CPED1: variants seen among roughly 807,000 people sequenced by gnomAD.
The protein encoded by CPED1 is cadherin like and PC-esterase domain containing 1.
CPED1 carries 114 observed loss-of-function variants against 128.2 expected under a neutral mutation model. That is an observed-to-expected ratio of 0.89 (90% CI 0.76 to 1.04). CPED1 has a LOEUF of 1.04. Among genes scored for constraint, CPED1 ranks in the 50% least tolerant of loss-of-function variants. CPED1 has a pLI of 0.00. For synonymous variants in CPED1, 462 were observed against 426.7 expected (o/e 1.08, Z -1.02); for missense variants, 1,211 against 1,207.1 (o/e 1.00, Z -0.05).
intron 2 of CPED1, among the ~76,000 whole-genome samples, chr7:121,011,241 A>G (rs1792158578): frequency 6.6e-6 from 1 of 152,098 alleles, no homozygotes; most frequent in Non-Finnish European, 1.5e-5. Context: ...TTTCAGCCTT[A>G]CTATATTTTG....
chr7:121,034,744 T>C (rs752840192), intron 3 of CPED1, among the ~76,000 whole-genome samples: 46 of 152,138 alleles, frequency 3.0e-4, no homozygotes, highest in Non-Finnish European at 6.5e-4. Context: ...AGGGAGCTTA[T>C]TGGCAAATTC....
chr7:121,213,814 TAAC>T lies in CPED1; in HGVS notation c.2056-22898_2056-22896del, dbSNP rs926532088. Among the ~76,000 whole-genome samples the T allele has an allele frequency of 4.5e-4, 69 of 152,246 alleles. 1 individual carries two copies. Among genetic ancestry groups the T allele is most frequent in the Admixed American group, 4.1e-3 (62 of 15,288 alleles). On this transcript the variant is annotated intron_variant, in intron 16 of 22. Transcript: ENST00000310396. ...AATCTTCCCCAGTTTCTTCTAATGTTAACATCTTGCATGACCATGGTACATTTA... is the reference window on the plus strand; with the variant it reads ...AATCTTCCCCAGTTTCTTCTAATGTTATCTTGCATGACCATGGTACATTTA...
In CPED1 at chr7:121,052,757, T is replaced by C. The variant is rs894981391; in HGVS notation, c.540+5764T>C. Among the ~76,000 whole-genome samples the C allele has an allele frequency of 4.6e-5, 7 of 152,186 alleles. 1 individual carries two copies. The highest frequency in any genetic ancestry group is 2.0e-4 in the Admixed American group (3 of 15,278). On this transcript the variant is annotated intron_variant, in intron 4 of 22. Coordinates refer to ENST00000310396, the MANE Select transcript of CPED1 (RefSeq NM_024913.5). ...GTTTTTGGGAGACAGAGTCTCACTC[T>C]GTCTCTCAGGCCTGGAGTGCAGTGG...
chr7:121,093,844 C>G (rs1794634171), intron 5 of CPED1, among the ~76,000 whole-genome samples: 1 of 152,074 alleles, frequency 6.6e-6, no homozygotes, highest in African/African-American at 2.4e-5. Context: ...CTCCTCTACC[C>G]CTTGTTGATT....
At chr7:121,244,365 C>T in intron 18 of CPED1, 27 bp downstream of exon 18, 1 of 1,612,888 alleles carries the variant, frequency 6.2e-7, no homozygotes, top group Non-Finnish European at 8.5e-7. Context: ...GTGGGGGAAG[C>T]CTTTAATGTA....
At chr7:121,150,452 T>C (rs918760307) in intron 16 of CPED1, among the ~76,000 whole-genome samples, 1 of 152,092 alleles carries the variant, frequency 6.6e-6, no homozygotes, top group African/African-American at 2.4e-5. Context: ...TCCATTTCAC[T>C]GTGGATGTGC....
chr7:121,175,466 A>G (rs1400465459), intron 16 of CPED1, among the ~76,000 whole-genome samples: 2 of 152,116 alleles, frequency 1.3e-5, no homozygotes, highest in Non-Finnish European at 2.9e-5. Flanking sequence ...TCAAAATTAT[A>G]AAATTCCCAT....
chr7:121,210,001 T>C (rs2116590197), intron 16 of CPED1, among the ~76,000 whole-genome samples: 1 of 151,914 alleles, frequency 6.6e-6, no homozygotes, highest in Non-Finnish European at 1.5e-5. Context: ...GGGCAAAAGA[T>C]CTGAATAGAT....
chr7:121,048,186 C>A (rs1003750836), intron 4 of CPED1, among the ~76,000 whole-genome samples: 4 of 152,176 alleles, frequency 2.6e-5, no homozygotes, highest in African/African-American at 9.7e-5. Context: ...TACCTAGGTA[C>A]AGAGCACGTT....
At chr7:121,085,184 G>A (rs1390559009) in intron 5 of CPED1, among the ~76,000 whole-genome samples, 2 of 152,180 alleles carry the variant, frequency 1.3e-5, no homozygotes, top group Non-Finnish European at 2.9e-5. Flanking sequence ...ATGTGGCATC[G>A]GTCCTGCTGC....
chr7:120,997,931 ATAAAAT>A (rs1259063272), intron 2 of CPED1, among the ~76,000 whole-genome samples: 9 of 13,544 alleles, frequency 6.6e-4, no homozygotes, highest in Admixed American at 1.5e-3. Context: ...TCGAAAAAAA[ATAAAAT>A]AAAATAAAAT....
intron 2 of CPED1, among the ~76,000 whole-genome samples, chr7:121,009,599 CCT>C (rs1792109764): frequency 2.3e-5 from 3 of 133,156 alleles, no homozygotes; most frequent in African/African-American, 8.7e-5. Flanking sequence ...AGAGCCAGCC[CCT>C]GTCTCAAAAA....
rs780462918 is a variant in CPED1, at chr7:121,296,000, A to C, written c.*348A>C. On this transcript the variant is annotated 3_prime_UTR_variant, in exon 23 of 23. Coordinates refer to ENST00000310396, the MANE Select transcript of CPED1 (RefSeq NM_024913.5). ...CACTTAAAATTATGTGAAAAAAAGGATAATGCTCTTTCATGTTGTCTTACC... is the reference window on the plus strand; with the variant it reads ...CACTTAAAATTATGTGAAAAAAAGGCTAATGCTCTTTCATGTTGTCTTACC... 3.2e-5 allele frequency: 6 copies of C among 185,566 alleles called. No homozygotes were observed. Among genetic ancestry groups the C allele is most frequent in the Admixed American group, 1.2e-4 (2 of 17,378 alleles). 11.5% of individuals were successfully genotyped at this position (185,566 alleles called of 1,614,324 possible). A position where few individuals can be genotyped will look rare whatever the true frequency, so the allele number is the denominator to read the frequency against.
intron 11 of CPED1, among the ~76,000 whole-genome samples, chr7:121,129,293 A>ATATATATACACG (rs1554438761): frequency 7.5e-5 from 1 of 13,418 alleles, no homozygotes; most frequent in African/African-American, 1.7e-4. Context: ...ATATGTATAT[A>ATATATATACACG]TATATATATA....
In CPED1 at chr7:121,198,634, C is replaced by G. The variant is rs558924256; in HGVS notation, c.2056-38080C>G. ...CCATTGGGGTTGTCTTCTTACTACT[C>G]TCTGAAATTCACTACGCCAGAGCCT... On this transcript the variant is annotated intron_variant, in intron 16 of 22. Coordinates refer to ENST00000310396, the MANE Select transcript of CPED1 (RefSeq NM_024913.5). Among the ~76,000 whole-genome samples the G allele has an allele frequency of 3.8e-3, 576 of 152,252 alleles. 4 individuals are homozygous for G. The highest frequency in any genetic ancestry group is 6.6e-3 in the Non-Finnish European group (447 of 67,996).
intron 2 of CPED1, among the ~76,000 whole-genome samples, chr7:121,009,511 A>T (rs1374112664): frequency 1.3e-5 from 2 of 149,412 alleles, no homozygotes; most frequent in Non-Finnish European, 3.0e-5. Flanking sequence ...GGAGGCTGAG[A>T]TGGGAGGATG....
chr7:121,252,485 A>C, intron 18 of CPED1, among the ~76,000 whole-genome samples: 1 of 151,686 alleles, frequency 6.6e-6, no homozygotes, highest in Non-Finnish European at 1.5e-5. Context: ...ATTAAACTAA[A>C]GAGCTTCTGC....
chr7:121,271,190 T>TAA (rs1562858151), intron 21 of CPED1, 94 bp from the exon 22 acceptor site: 1 of 1,002,964 alleles, frequency 1.0e-6, no homozygotes, highest in African/African-American at 1.6e-5. Context: ...CTAATCCCAG[T>TAA]AAAAAAGACA....
chr7:121,083,247 T>C (rs1794336623), intron 5 of CPED1, among the ~76,000 whole-genome samples: 1 of 152,162 alleles, frequency 6.6e-6, no homozygotes, highest in Admixed American at 6.5e-5. Context: ...AACCTTACAG[T>C]CCAGTCTTAT....
Sources: gnomAD v4.1 joint callset for allele counts (sites outside exome capture counted in the v4.1 genomes callset) on GRCh38, gnomAD v4.1.1 for gene constraint, MANE v1.5 for transcripts, NCBI Gene and HGNC (gene_info 2026-07-23, HGNC 2026-07-21) for gene names.